Variants in VIPR2 observed in about 807,000 individuals in gnomAD.
VIPR2 encodes the protein vasoactive intestinal polypeptide receptor 2.
In VIPR2, 48 loss-of-function variants were observed where a neutral mutation model predicts 58.0. That is an observed-to-expected ratio of 0.83 (90% CI 0.66 to 1.05). VIPR2 has a LOEUF of 1.05. VIPR2 is among the 50% of genes least tolerant of loss of function. VIPR2 has a pLI of 0.00. For synonymous variants in VIPR2, 243 were observed against 235.2 expected, an observed-to-expected ratio of 1.03 and a Z score of -0.30; for missense variants, 534 against 558.0, an observed-to-expected ratio of 0.96 and a Z score of 0.43.
At chr7:159,121,975 A>T (rs1352584278) in intron 2 of VIPR2, among the ~76,000 whole-genome samples, 1 of 152,260 alleles carries the variant, frequency 6.6e-6, no homozygotes, top group Non-Finnish European at 1.5e-5. Context: ...GGTACGAATC[A>T]TTGACAGATA....
At chr7:159,034,079 G>A (rs1002856855) in intron 10 of VIPR2, 134 bp downstream of exon 10, 4 of 800,230 alleles carry the variant, frequency 5.0e-6, no homozygotes, top group African/African-American at 3.4e-5. Flanking sequence ...GCAGAGCCCT[G>A]GGGCCCAGCC....
In VIPR2 at chr7:159,092,792, C is replaced by T. The variant is rs78197940; in HGVS notation, c.357+10965G>A. Among the ~76,000 whole-genome samples, 43 of 151,668 alleles carry T rather than the reference C, an allele frequency of 2.8e-4. No individual in the cohort carries two copies. The South Asian group carries it at 4.2e-3, about 15-fold the overall frequency. Reference sequence around the variant, plus strand: ...TGTGTGTCTGCCAGAGGGAGGTGGTCGGTGTTTGCAACGTGGCTTTCTGCT... The same window carrying T: ...TGTGTGTCTGCCAGAGGGAGGTGGTTGGTGTTTGCAACGTGGCTTTCTGCT... On this transcript the variant is annotated intron_variant, in intron 4 of 12. Transcript: ENST00000262178.
At chr7:159,142,398 C>A (rs375082120) in intron 2 of VIPR2, 48 bp downstream of exon 2, 1 of 1,448,006 alleles carries the variant, frequency 6.9e-7, no homozygotes, top group South Asian at 1.2e-5. Flanking sequence ...GGCGCATTCC[C>A]GGGTGAGAAT....
chr7:159,079,109 A>C (rs1405287658), intron 4 of VIPR2, among the ~76,000 whole-genome samples: 1 of 152,194 alleles, frequency 6.6e-6, no homozygotes, highest in Admixed American at 6.5e-5. Context: ...GAGAAAGACC[A>C]CAAGGGAAGA....
chr7:159,058,842 C>T (rs188214565), intron 4 of VIPR2, among the ~76,000 whole-genome samples: 19 of 152,324 alleles, frequency 1.2e-4, no homozygotes, highest in Admixed American at 2.6e-4. Flanking sequence ...GGAGGGAACA[C>T]GACCCGCCAC....
intron 4 of VIPR2, among the ~76,000 whole-genome samples, chr7:159,088,489 G>A (rs913378049): frequency 1.3e-5 from 2 of 151,814 alleles, no homozygotes; most frequent in African/African-American, 2.4e-5. Flanking sequence ...CAGCACACCC[G>A]TATACCACAC....
chr7:159,075,858 T>C (rs533968538), intron 4 of VIPR2, among the ~76,000 whole-genome samples: 15 of 121,722 alleles, frequency 1.2e-4, no homozygotes, highest in South Asian at 6.0e-4. Flanking sequence ...CCGGCACCCA[T>C]GGACCCGCTG....
Position 159,093,756 on chromosome 7 carries a change from G to A in VIPR2, c.357+10001C>T, listed in dbSNP as rs111793555. Among the ~76,000 whole-genome samples, 27 of 150,906 alleles carry A rather than the reference G, an allele frequency of 1.8e-4. No homozygotes were observed. The highest frequency in any genetic ancestry group is 8.4e-4 in the South Asian group (4 of 4,738). ...GAGACCCCGCAGCGTCCCTGGGTCC[G>A]GAGATGGGAGACCCCGCAGCGTCCC... On this transcript the variant is annotated intron_variant, in intron 4 of 12. Transcript: ENST00000262178. The surrounding 1 kb of genome is among the most constrained non-coding windows in gnomAD (Gnocchi z 6.7).
chr7:159,129,274 C>T (rs1438964356), intron 2 of VIPR2, among the ~76,000 whole-genome samples: 2 of 129,780 alleles, frequency 1.5e-5, no homozygotes, highest in African/African-American at 5.9e-5. Context: ...CTGGGGGGGA[C>T]AGGGCTGGGG....
At position 159,128,028 on chromosome 7, in the gene VIPR2, C is replaced by T. The variant is rs1046633290; in HGVS notation, c.151+14418G>A. On this transcript the variant is annotated intron_variant, in intron 2 of 12. Coordinates refer to ENST00000262178, the MANE Select transcript of VIPR2 (RefSeq NM_003382.5). The surrounding 1 kb of genome is among the most constrained non-coding windows in gnomAD (Gnocchi z 4.1). The stretch of plus-strand genomic sequence containing the variant: ...CATCCACAGCGCCAGGACAAACCAC[C>T]GCTCCCCCCACCTTGCAGCAGGGCC... Among the ~76,000 whole-genome samples, 8 of 152,168 alleles carry T rather than the reference C, an allele frequency of 5.3e-5. No individual in the cohort carries two copies. The highest frequency in any genetic ancestry group is 1.0e-4 in the Non-Finnish European group (7 of 68,034).
At chr7:159,038,412 G>A (rs1263395736) in intron 6 of VIPR2, among the ~76,000 whole-genome samples, 2 of 152,122 alleles carry the variant, frequency 1.3e-5, no homozygotes, top group African/African-American at 2.4e-5. Context: ...GTGTGTCAAC[G>A]CCTGGTGAAT....
chr7:159,030,856 G>A (rs2129492656), intron 12 of VIPR2, 67 bp from the exon 13 acceptor site: 1 of 1,410,480 alleles, frequency 7.1e-7, no homozygotes, highest in East Asian at 2.8e-5. Flanking sequence ...TATGGGAAGC[G>A]CGGCCCGCGA....
In VIPR2 at chr7:159,044,471, A is replaced by G. The variant is rs1324668493; in HGVS notation, c.456-1295T>C. Among the ~76,000 whole-genome samples, 5 of 152,230 alleles carry G rather than the reference A, an allele frequency of 3.3e-5. No individual in the cohort carries two copies. In the South Asian group the frequency reaches 6.2e-4, roughly 19 times the overall value. ...ATATGGCCCATTTACAGGAAAAATA[A>G]AATGAATCAACAAAAATTATCCTTG... On this transcript the variant is annotated intron_variant, in intron 5 of 12. Coordinates refer to ENST00000262178, the MANE Select transcript of VIPR2 (RefSeq NM_003382.5).
At position 159,036,834 on chromosome 7, in the gene VIPR2, C is replaced by T; in HGVS notation, c.666G>A (p.Val222=). Residue 222 remains valine (V), a synonymous_variant, in exon 7 of 13, where the codon GTG becomes GTA. Transcript: ENST00000262178. ...CIMANFFWLL[V]EGLYLHTLLV... ...GGAGGGTGTGGAGGTAGAGCCCCTC[C>T]ACCAGCAGCCAGAAGAAGTTGGCCA... is the stretch of plus-strand genomic sequence containing the variant. 1 of 1,614,050 alleles carries T rather than the reference C, an allele frequency of 6.2e-7. No homozygotes were observed. Among genetic ancestry groups the T allele is most frequent in the Non-Finnish European group, 8.5e-7 (1 of 1,180,012 alleles).
intron 4 of VIPR2, among the ~76,000 whole-genome samples, chr7:159,073,137 T>G (rs1156581812): frequency 6.6e-6 from 1 of 152,248 alleles, no homozygotes; most frequent in East Asian, 1.9e-4. Context: ...CAACATCTTA[T>G]TTTTAAAGCT....
chr7:159,070,054 C>A (rs868558176), intron 4 of VIPR2, among the ~76,000 whole-genome samples: 1 of 152,280 alleles, frequency 6.6e-6, no homozygotes, highest in South Asian at 2.1e-4. Context: ...TCCGGTACCT[C>A]CAGGGCTGCC....
At chr7:159,114,809 G>A (rs559978139) in intron 2 of VIPR2, among the ~76,000 whole-genome samples, 30 of 104,840 alleles carry the variant, frequency 2.9e-4, no homozygotes, top group African/African-American at 8.1e-4. Flanking sequence ...AATAGAAAGA[G>A]AGAGAGGGAG....
At position 159,045,316 on chromosome 7, in the gene VIPR2, A is replaced by G. The variant is rs190473407; in HGVS notation, c.456-2140T>C. 1.2e-4 allele frequency among the ~76,000 whole-genome samples: 19 copies of G among 152,286 alleles called. No homozygotes were observed. The East Asian group carries it at 3.5e-3, about 28-fold the overall frequency. On this transcript the variant is annotated intron_variant, in intron 5 of 12. Coordinates refer to ENST00000262178, the MANE Select transcript of VIPR2 (RefSeq NM_003382.5). Reference sequence around the variant, plus strand: ...AGCCAAAACAATCTTAAACAGAACAAAGCTGAAGAACTCATCATCTCAATT... The same window carrying G: ...AGCCAAAACAATCTTAAACAGAACAGAGCTGAAGAACTCATCATCTCAATT...
At chr7:159,060,766 CCCACCCTCACCTCACCTAACAG>C (rs896213525) in intron 4 of VIPR2, among the ~76,000 whole-genome samples, 4 of 151,254 alleles carry the variant, frequency 2.6e-5, no homozygotes, top group African/African-American at 9.7e-5. Flanking sequence ...CCTTACCTAA[CCCACCCTCACCTCACCTAACAG>C]CCACCCTCAC....
Sources: gnomAD v4.1 joint callset for allele counts (sites outside exome capture counted in the v4.1 genomes callset) on GRCh38, gnomAD v4.1.1 for gene constraint, Gnocchi (gnomAD v3.1) non-coding constraint, MANE v1.5 for transcripts, NCBI Gene and HGNC (gene_info 2026-07-23, HGNC 2026-07-21) for gene names.